Variants in ZBTB16 observed in about 807,000 individuals in gnomAD.
The protein encoded by ZBTB16 is zinc finger and BTB domain-containing protein 16.
Under a neutral mutation model 56.8 loss-of-function variants are expected in ZBTB16, and 8 were observed. The observed-to-expected ratio is 0.14, with a 90% CI of 0.08 to 0.25. The LOEUF (loss-of-function observed/expected upper bound fraction) is 0.25, where lower values mean the gene tolerates loss of function less well. Ranked by LOEUF, ZBTB16 falls within the 10% of genes least tolerant of loss-of-function variation. ZBTB16 has a pLI of 1.00. For synonymous variants in ZBTB16, 363 were observed against 368.5 expected, an observed-to-expected ratio of 0.98 and a Z score of 0.17; for missense variants, 625 against 903.0, an observed-to-expected ratio of 0.69 and a Z score of 3.95.
chr11:114,084,874 A>G (rs945764171), intron 2 of ZBTB16, among the ~76,000 whole-genome samples: 1 of 152,234 alleles, frequency 6.6e-6, no homozygotes, highest in Non-Finnish European at 1.5e-5. Context: ...TTAGTCATCA[A>G]GCTAGCTCAG....
chr11:114,092,356 T>A (rs1260777469), intron 2 of ZBTB16, among the ~76,000 whole-genome samples: 1 of 152,214 alleles, frequency 6.6e-6, no homozygotes, highest in African/African-American at 2.4e-5. Context: ...TTTAGACAGC[T>A]CCACGCTGCT....
At chr11:114,061,148 T>TGG (rs145426608) in intron 1 of ZBTB16, among the ~76,000 whole-genome samples, 47 of 129,986 alleles carry the variant, frequency 3.6e-4, no homozygotes, top group African/African-American at 1.3e-3. Flanking sequence ...CGCTGGGAAC[T>TGG]GGGGGGGTGT....
chr11:114,209,985 C>T, intron 4 of ZBTB16: 1 of 983,750 alleles, frequency 1.0e-6, no homozygotes, highest in African/African-American at 1.7e-5. Context: ...AGCAAGACTT[C>T]AGACAAGTTG....
intron 3 of ZBTB16, among the ~76,000 whole-genome samples, chr11:114,173,081 C>G (rs1018763622): frequency 2.0e-5 from 3 of 152,172 alleles, no homozygotes; most frequent in African/African-American, 7.2e-5. Flanking sequence ...GATCCACAGC[C>G]TGAGCCACAA....
chr11:114,077,187 C>G (rs1178517282), intron 2 of ZBTB16, among the ~76,000 whole-genome samples: 1 of 152,026 alleles, frequency 6.6e-6, no homozygotes, highest in Non-Finnish European at 1.5e-5. Flanking sequence ...TCTGGCCAGC[C>G]CTGGATTCTG....
intron 1 of ZBTB16, among the ~76,000 whole-genome samples, chr11:114,061,154 G>A (rs113577422): frequency 6.6e-6 from 1 of 151,816 alleles, no homozygotes; most frequent in Non-Finnish European, 1.5e-5. Flanking sequence ...GAACTGGGGG[G>A]GTGTGAGAGC....
In ZBTB16 at chr11:114,064,783, G is replaced by A. The variant is rs1426322542; in HGVS notation, c.1268+215G>A. ...AGGATCTTTCCAAAAAGCACCAGGG[G>A]ACACTCATGGGCGCAGCTTCTTAAT... On this transcript the variant is annotated intron_variant, in intron 2 of 6. Transcript: ENST00000335953. The surrounding 1 kb of genome is among the most constrained non-coding windows in gnomAD (Gnocchi z 4.2). 1.3e-5 allele frequency among the ~76,000 whole-genome samples: 2 copies of A among 152,208 alleles called. No homozygotes were observed. Among genetic ancestry groups the A allele is most frequent in the Admixed American group, 1.3e-4 (2 of 15,278 alleles).
rs79868718 is a variant in ZBTB16, at chr11:114,243,572, C to T, written c.1624+1235C>T. On this transcript the variant is annotated intron_variant, in intron 5 of 6. Coordinates refer to ENST00000335953, the MANE Select transcript of ZBTB16 (RefSeq NM_006006.6). ...ACTACTTAAAATTTCTGGGACAGGA[C>T]GGAGGTAGGGCCCAGAGGGGTGGGC... Among the ~76,000 whole-genome samples the T allele has an allele frequency of 9.5e-3, 1,448 of 152,270 alleles. 29 individuals carry two copies. Among genetic ancestry groups the T allele is most frequent in the African/African-American group, 0.033 (1,373 of 41,536 alleles).
intron 6 of ZBTB16, among the ~76,000 whole-genome samples, chr11:114,248,122 A>T (rs545228329): frequency 6.6e-6 from 1 of 151,804 alleles, no homozygotes; most frequent in Non-Finnish European, 1.5e-5. Flanking sequence ...CTGGTCTCGA[A>T]CTCCTGACCT....
intron 2 of ZBTB16, among the ~76,000 whole-genome samples, chr11:114,124,558 A>C (rs1303151725): frequency 8.9e-4 from 85 of 95,470 alleles, no homozygotes; most frequent in African/African-American, 3.3e-3. Context: ...AAAAAAAACC[A>C]AAAAAAAAAA....
In ZBTB16 at chr11:114,252,058, T is replaced by C. The variant is rs1294324708; in HGVS notation, c.*1503T>C. 1.3e-5 allele frequency among the ~76,000 whole-genome samples: 2 copies of C among 152,074 alleles called. No individual in the cohort carries two copies. Among genetic ancestry groups the C allele is most frequent in the African/African-American group, 4.8e-5 (2 of 41,392 alleles). ...CCAGCCTCCCAGCTGGCAGGAACTGTGCAGGAGGAGTTGATACTCAGGATC... is the reference window on the plus strand; with the variant it reads ...CCAGCCTCCCAGCTGGCAGGAACTGCGCAGGAGGAGTTGATACTCAGGATC... On this transcript the variant is annotated 3_prime_UTR_variant, in exon 7 of 7. Coordinates refer to ENST00000335953, the MANE Select transcript of ZBTB16 (RefSeq NM_006006.6).
rs1320342202 is a variant in ZBTB16, at chr11:114,143,809, C to G, written c.1269-12528C>G. ...AAGGTTAAGAATCGATCTCTTCATT[C>G]TGTTTCAAGATTACATAGCATGCAG... On this transcript the variant is annotated intron_variant, in intron 2 of 6. Transcript: ENST00000335953. This position sits in a 1 kb window ranked among gnomAD's most constrained non-coding sequence, Gnocchi z 6.4. Among the ~76,000 whole-genome samples, 1 of 152,238 alleles carries G rather than the reference C, an allele frequency of 6.6e-6. No individual in the cohort carries two copies. Among genetic ancestry groups the G allele is most frequent in the African/African-American group, 2.4e-5 (1 of 41,454 alleles).
At chr11:114,148,301 G>C (rs1942162024) in intron 2 of ZBTB16, among the ~76,000 whole-genome samples, 1 of 151,086 alleles carries the variant, frequency 6.6e-6, no homozygotes, top group African/African-American at 2.4e-5. Context: ...CTTCATCCAG[G>C]CCAAGGCAGG....
At chr11:114,175,460 CTT>C (rs745429390) in intron 3 of ZBTB16, among the ~76,000 whole-genome samples, 4 of 146,364 alleles carry the variant, frequency 2.7e-5, no homozygotes, top group Admixed American at 1.4e-4. Context: ...CATGTGCAAA[CTT>C]TTTTTTTTTT....
intron 2 of ZBTB16, among the ~76,000 whole-genome samples, chr11:114,114,427 C>A (rs1195035102): frequency 6.6e-6 from 1 of 152,192 alleles, no homozygotes; most frequent in East Asian, 1.9e-4. Context: ...TATTCTCCTA[C>A]TTGGTTGATC....
intron 2 of ZBTB16, among the ~76,000 whole-genome samples, chr11:114,087,941 A>G (rs1324791419): frequency 6.6e-6 from 1 of 151,828 alleles, no homozygotes; most frequent in Non-Finnish European, 1.5e-5. Flanking sequence ...TGTTGAGTAA[A>G]CTCTTATGCT....
chr11:114,130,815 G>A (rs1941640253), intron 2 of ZBTB16, among the ~76,000 whole-genome samples: 1 of 152,190 alleles, frequency 6.6e-6, no homozygotes, highest in Non-Finnish European at 1.5e-5. Flanking sequence ...GTGTGTATGC[G>A]CATGTAAAGA....
chr11:114,085,500 TTGTGTGTG>T (rs35497691), intron 2 of ZBTB16, among the ~76,000 whole-genome samples: 1 of 151,072 alleles, frequency 6.6e-6, no homozygotes, highest in Admixed American at 6.6e-5. Flanking sequence ...GTGTATGACT[TTGTGTGTG>T]TGTGTGTGTA....
chr11:114,160,158 T>C (rs1359447722), intron 3 of ZBTB16, among the ~76,000 whole-genome samples: 2 of 152,176 alleles, frequency 1.3e-5, no homozygotes, highest in Admixed American at 1.3e-4. Context: ...TGTTTGTTAT[T>C]GTAGTCCTGG....
Sources: gnomAD v4.1 joint callset for allele counts (sites outside exome capture counted in the v4.1 genomes callset) on GRCh38, gnomAD v4.1.1 for gene constraint, Gnocchi (gnomAD v3.1) non-coding constraint, MANE v1.5 for transcripts, NCBI Gene and HGNC (gene_info 2026-07-23, HGNC 2026-07-21) for gene names.